CDC40: variants seen among roughly 807,000 people sequenced by gnomAD.
CDC40 encodes the protein pre-mRNA-processing factor 17.
CDC40 carries 27 observed loss-of-function variants against 80.6 expected under a neutral mutation model. The ratio of observed to expected loss-of-function variants is 0.33; its 90% CI spans 0.25 to 0.46. The LOEUF (loss-of-function observed/expected upper bound fraction) is 0.46. CDC40 is among the 20% of genes least tolerant of loss of function. CDC40 has a pLI of 1.00. For missense variants in CDC40, 486 were observed against 694.1 expected (o/e 0.70, Z 3.37); for synonymous variants, 221 against 232.6 (o/e 0.95, Z 0.45).
intron 3 of CDC40, among the ~76,000 whole-genome samples, chr6:110,205,494 TG>T (rs1221642325): frequency 6.6e-6 from 1 of 152,192 alleles, no homozygotes; most frequent in Non-Finnish European, 1.5e-5. Context: ...TCTAATCACC[TG>T]GGGTGGAAGG....
chr6:110,192,681 T>C (rs1777367194), intron 1 of CDC40, among the ~76,000 whole-genome samples: 1 of 152,212 alleles, frequency 6.6e-6, no homozygotes, highest in Admixed American at 6.5e-5. Context: ...TTTTCAGTAA[T>C]CTGGGGAATG....
intron 1 of CDC40, among the ~76,000 whole-genome samples, chr6:110,192,260 G>A (rs187549597): frequency 6.6e-6 from 1 of 152,324 alleles, no homozygotes; most frequent in Admixed American, 6.5e-5. Flanking sequence ...ATGTTAAGTT[G>A]AACCACTGCA....
At chr6:110,187,711 G>A (rs1418253765) in intron 1 of CDC40, among the ~76,000 whole-genome samples, 1 of 152,142 alleles carries the variant, frequency 6.6e-6, no homozygotes, top group African/African-American at 2.4e-5. Context: ...TTTGGGCACA[G>A]GAAGAAATGT....
At chr6:110,198,807 A>G (rs968254941) in intron 2 of CDC40, among the ~76,000 whole-genome samples, 7 of 152,178 alleles carry the variant, frequency 4.6e-5, no homozygotes, top group African/African-American at 1.7e-4. Context: ...GTGAACACAA[A>G]TTTACTCTTA....
intron 10 of CDC40, among the ~76,000 whole-genome samples, chr6:110,218,662 A>C (rs912496534): frequency 6.6e-6 from 1 of 152,202 alleles, no homozygotes; most frequent in African/African-American, 2.4e-5. Flanking sequence ...CTGATGCCTG[A>C]GTCCTACCTT....
intron 14 of CDC40, among the ~76,000 whole-genome samples, 180 bp downstream of exon 14, chr6:110,229,156 T>C (rs1315911419): frequency 6.6e-6 from 1 of 152,224 alleles, no homozygotes; most frequent in Non-Finnish European, 1.5e-5. Flanking sequence ...AATTACATTT[T>C]GCTTTTTTTA....
At chr6:110,215,017 A>G (rs1013028079) in intron 8 of CDC40, among the ~76,000 whole-genome samples, 1 of 152,226 alleles carries the variant, frequency 6.6e-6, no homozygotes, top group Non-Finnish European at 1.5e-5. Flanking sequence ...CTCCATCTAT[A>G]GTTAAGTCTC....
chr6:110,225,815 G>A (rs1259590335), intron 12 of CDC40, among the ~76,000 whole-genome samples: 5 of 152,158 alleles, frequency 3.3e-5, no homozygotes, highest in African/African-American at 1.2e-4. Context: ...GAATTATATA[G>A]TGGTGAATTC....
intron 1 of CDC40, among the ~76,000 whole-genome samples, chr6:110,181,171 G>A (rs1448959975): frequency 2.6e-5 from 4 of 152,204 alleles, no homozygotes; most frequent in Middle Eastern, 3.2e-3. Flanking sequence ...AAAGCATATA[G>A]CACAGAGCCA....
chr6:110,181,444 G>GATC (rs199502816), intron 1 of CDC40, among the ~76,000 whole-genome samples: 3,852 of 152,316 alleles, frequency 0.025, 93 homozygotes, highest in Non-Finnish European at 0.039. Context: ...CGAGGTAGGT[G>GATC]ATCAGCTCAA....
rs762453442 is a variant in CDC40, at chr6:110,219,493, A to C, written c.1206+14A>C. ...AAGATTGTGCAAGTAAGTCTTTCAC[A>C]GTATTTTGTTAAGACTCCTAAGCTT... On this transcript the variant is annotated intron_variant, in intron 11 of 14. Transcript: ENST00000307731. The C allele has an allele frequency of 6.9e-7, 1 of 1,442,004 alleles. No individual in the cohort carries two copies. The highest frequency in any genetic ancestry group is 9.8e-7 in the Non-Finnish European group (1 of 1,023,896). 89.3% of individuals were successfully genotyped at this position (1,442,004 alleles called of 1,614,324 possible).
At position 110,193,283 on chromosome 6, in the gene CDC40, T is replaced by C. The variant is rs774749469; in HGVS notation, c.276+15T>C. On this transcript the variant is annotated intron_variant, in intron 2 of 14. Coordinates refer to ENST00000307731, the MANE Select transcript of CDC40 (RefSeq NM_015891.3). ...TTGCTCCTGAGGTAAGAAAACATAC[T>C]TAAGGTTCTGACTTTTGCTAAAGAA... 6.9e-7 allele frequency: 1 copy of C among 1,440,148 alleles called. No individual in the cohort carries two copies. The highest frequency in any genetic ancestry group is 1.7e-5 in the Admixed American group (1 of 59,146). 89.2% of individuals were successfully genotyped at this position (1,440,148 alleles called of 1,614,324 possible).
intron 1 of CDC40, among the ~76,000 whole-genome samples, chr6:110,189,434 C>G (rs1298766542): frequency 6.6e-6 from 1 of 152,210 alleles, no homozygotes; most frequent in Non-Finnish European, 1.5e-5. Flanking sequence ...ATATATGAAT[C>G]TGGAGCTCCA....
chr6:110,219,705 G>C, intron 11 of CDC40, 31 bp from the exon 12 acceptor site: 1 of 1,610,490 alleles, frequency 6.2e-7, no homozygotes, highest in Non-Finnish European at 8.5e-7. Flanking sequence ...CTCTACTTCT[G>C]TCTTTACCTT....
At chr6:110,219,245 G>T in intron 10 of CDC40, 119 bp from the exon 11 acceptor site, 1 of 508,286 alleles carries the variant, frequency 2.0e-6, no homozygotes. Flanking sequence ...ACAGTAAAGA[G>T]CAAGCAGGCA....
chr6:110,209,262 G>T, intron 5 of CDC40, 39 bp downstream of exon 5: 2 of 1,559,366 alleles, frequency 1.3e-6, no homozygotes, highest in South Asian at 1.1e-5. Flanking sequence ...TCAGGTATAC[G>T]CTGTATCTCT....
chr6:110,210,635 A>G (rs1206211094), intron 5 of CDC40, 72 bp from the exon 6 acceptor site: 9 of 680,414 alleles, frequency 1.3e-5, no homozygotes, highest in Non-Finnish European at 1.8e-5. Context: ...ATTATAAAGA[A>G]TTTATAACCA....
At chr6:110,226,103 A>C in intron 12 of CDC40, 64 bp from the exon 13 acceptor site, 1 of 814,982 alleles carries the variant, frequency 1.2e-6, no homozygotes, top group Non-Finnish European at 2.1e-6. Flanking sequence ...CCTTTGTTCC[A>C]GAGATAATTC....
At chr6:110,192,157 A>C (rs938368575) in intron 1 of CDC40, among the ~76,000 whole-genome samples, 33 of 152,284 alleles carry the variant, frequency 2.2e-4, no homozygotes, top group African/African-American at 7.5e-4. Context: ...TGAAAGAATC[A>C]TACTATCTCC....
Sources: gnomAD v4.1 joint callset for allele counts (sites outside exome capture counted in the v4.1 genomes callset) on GRCh38, gnomAD v4.1.1 for gene constraint, MANE v1.5 for transcripts, NCBI Gene and HGNC (gene_info 2026-07-23, HGNC 2026-07-21) for gene names.